Variants in FARSB observed in about 807,000 individuals in gnomAD.
FARSB encodes the protein phenylalanyl-tRNA synthetase subunit beta.
In FARSB, 40 loss-of-function variants were observed where a neutral mutation model predicts 69.6. The ratio of observed to expected loss-of-function variants is 0.57; its 90% CI spans 0.45 to 0.75. The LOEUF is 0.75. Ranked by LOEUF, FARSB falls within the 30% of genes least tolerant of loss-of-function variation. The pLI is 0.00. For missense variants in FARSB, 632 were observed against 722.9 expected (o/e 0.87, Z 1.44); for synonymous variants, 235 against 247.2 (o/e 0.95, Z 0.46).
Position 222,648,665 on chromosome 2 carries a change from T to A in FARSB, c.114+75A>T, listed in dbSNP as rs199934342. The A allele has an allele frequency of 2.2e-5, 20 of 929,190 alleles. No individual in the cohort carries two copies. The South Asian group carries it at 2.5e-4, about 11-fold the overall frequency. 57.6% of individuals were successfully genotyped at this position (929,190 alleles called of 1,614,324 possible). On this transcript the variant is annotated intron_variant, in intron 2 of 16. Transcript: ENST00000281828. Reference sequence around the variant, plus strand: ...TAGTCTAACTATAAGGTAACAAAGATGAAATACAGTATAACCCTGAAAAAT... The same window carrying A: ...TAGTCTAACTATAAGGTAACAAAGAAGAAATACAGTATAACCCTGAAAAAT...
chr2:222,647,722 G>T (rs138632848), intron 2 of FARSB, among the ~76,000 whole-genome samples: 1 of 152,194 alleles, frequency 6.6e-6, no homozygotes, highest in Non-Finnish European at 1.5e-5. Flanking sequence ...CCAAGATCGC[G>T]CTGTCGCACT....
intron 3 of FARSB, among the ~76,000 whole-genome samples, chr2:222,642,078 T>TG (rs1311427827): frequency 5.3e-5 from 8 of 151,784 alleles, no homozygotes; most frequent in Non-Finnish European, 8.8e-5. Flanking sequence ...CTCGACTCAC[T>TG]GCAACCTCCA....
intron 8 of FARSB, 23 bp downstream of exon 8, chr2:222,631,581 A>G: frequency 7.6e-7 from 1 of 1,317,816 alleles, no homozygotes; most frequent in East Asian, 2.3e-5. Flanking sequence ...ATCATACAAA[A>G]ATTGAGTAAA....
At chr2:222,582,359 T>C (rs1173612772) in intron 16 of FARSB, among the ~76,000 whole-genome samples, 1 of 151,482 alleles carries the variant, frequency 6.6e-6, no homozygotes, top group African/African-American at 2.4e-5. Context: ...GCTGAAAGAG[T>C]AGAAGAGAAT....
intron 16 of FARSB, among the ~76,000 whole-genome samples, chr2:222,594,665 G>A (rs1307442489): frequency 6.6e-6 from 1 of 152,090 alleles, no homozygotes; most frequent in Non-Finnish European, 1.5e-5. Context: ...ATTTTAAAAA[G>A]GTTAAGAAAC....
intron 16 of FARSB, among the ~76,000 whole-genome samples, chr2:222,591,555 T>C (rs1351086761): frequency 6.6e-6 from 1 of 152,160 alleles, no homozygotes; most frequent in African/African-American, 2.4e-5. Flanking sequence ...GAAAGTAAGG[T>C]AGAAAGAGAA....
intron 16 of FARSB, among the ~76,000 whole-genome samples, chr2:222,592,831 A>G (rs1385972516): frequency 6.6e-6 from 1 of 151,910 alleles, no homozygotes; most frequent in Non-Finnish European, 1.5e-5. Context: ...GAAAATATTA[A>G]GTGGGAAATT....
chr2:222,624,260 G>T lies in FARSB; in HGVS notation c.1170+12C>A. ...AACAATAAGGAGTGTTTATTTAAGG[G>T]TGCAATCTTACTTGATTAGCTATGG... On this transcript the variant is annotated intron_variant, in intron 12 of 16. Transcript: ENST00000281828. 1 of 1,541,394 alleles carries T rather than the reference G, an allele frequency of 6.5e-7. No individual in the cohort carries two copies. Among genetic ancestry groups the T allele is most frequent in the Non-Finnish European group, 9.0e-7 (1 of 1,115,150 alleles).
chr2:222,597,302 C>T (rs1473424783), intron 16 of FARSB, among the ~76,000 whole-genome samples: 1 of 152,068 alleles, frequency 6.6e-6, no homozygotes, highest in Non-Finnish European at 1.5e-5. Context: ...AATGTAGATT[C>T]AAAAGGAACC....
chr2:222,609,002 T>C (rs1004554455), intron 15 of FARSB, among the ~76,000 whole-genome samples: 2 of 152,252 alleles, frequency 1.3e-5, no homozygotes, highest in East Asian at 3.8e-4. Context: ...AATTGGAGGA[T>C]TGTATCTTAC....
intron 1 of FARSB, 52 bp downstream of exon 1, chr2:222,655,964 G>A: frequency 7.1e-7 from 1 of 1,409,556 alleles, no homozygotes; most frequent in Non-Finnish European, 9.9e-7. Context: ...TTGGAGGGAG[G>A]CCCTGCCTCC....
chr2:222,591,531 A>C (rs2106190214), intron 16 of FARSB, among the ~76,000 whole-genome samples: 1 of 152,328 alleles, frequency 6.6e-6, no homozygotes, highest in South Asian at 2.1e-4. Flanking sequence ...ACAGCACACA[A>C]AAGAAAAGCA....
At chr2:222,653,564 T>C (rs1692091239) in intron 1 of FARSB, among the ~76,000 whole-genome samples, 1 of 152,048 alleles carries the variant, frequency 6.6e-6, no homozygotes, top group South Asian at 2.1e-4. Flanking sequence ...GGTAAACTAA[T>C]GAGGAGAATC....
In FARSB at chr2:222,634,543, T is replaced by C. The variant is rs1691527173; in HGVS notation, c.456-2A>G. 3 of 1,609,866 alleles carry C rather than the reference T, an allele frequency of 1.9e-6. No individual in the cohort carries two copies. Among genetic ancestry groups the C allele is most frequent in the Non-Finnish European group, 2.5e-6 (3 of 1,177,966 alleles). ...CCAATGGCAACCAGTGCTCTTTTCCTAATTGTTGAGAGGTTGAGGGAGAAG... is the reference window on the plus strand; with the variant it reads ...CCAATGGCAACCAGTGCTCTTTTCCCAATTGTTGAGAGGTTGAGGGAGAAG... On this transcript the variant is annotated splice_acceptor_variant, in intron 5 of 16. Transcript: ENST00000281828. LOFTEE classifies it high-confidence loss of function.
At position 222,649,222 on chromosome 2, in the gene FARSB, G is replaced by A. The variant is rs866575995; in HGVS notation, c.59-427C>T. 1.9e-4 allele frequency among the ~76,000 whole-genome samples: 20 copies of A among 103,814 alleles called. No individual in the cohort carries two copies. In the East Asian group the frequency reaches 4.4e-3, roughly 23 times the overall value. The allele number at this position is 103,814 out of a possible 152,430, so 68.1% of individuals were successfully genotyped here. A position where few individuals can be genotyped will look rare whatever the true frequency, so the allele number is the denominator to read the frequency against. The stretch of plus-strand genomic sequence containing the variant: ...GCCTGGCTGACAAGAGCGAGACTCC[G>A]TCTCAAAAAATTAAAAAAAAAAAAA... On this transcript the variant is annotated intron_variant, in intron 1 of 16. Coordinates refer to ENST00000281828, the MANE Select transcript of FARSB (RefSeq NM_005687.5).
intron 11 of FARSB, 89 bp downstream of exon 11, chr2:222,624,625 A>G (rs1691220837): frequency 6.2e-6 from 6 of 961,684 alleles, no homozygotes; most frequent in Non-Finnish European, 9.6e-6. Context: ...ATGTTTTATC[A>G]TTCCTTAACA....
intron 13 of FARSB, among the ~76,000 whole-genome samples, chr2:222,621,831 G>C (rs1691144719): frequency 6.6e-6 from 1 of 152,194 alleles, no homozygotes; most frequent in African/African-American, 2.4e-5. Context: ...CGATGCTTAG[G>C]CTTGCCTATA....
Position 222,639,647 on chromosome 2 carries a change from TTA to T in FARSB, c.386_387del (p.Ile129LysfsTer4). The T allele has an allele frequency of 6.3e-7, 1 of 1,594,142 alleles. No homozygotes were observed. Among genetic ancestry groups the T allele is most frequent in the Non-Finnish European group, 8.6e-7 (1 of 1,168,626 alleles). On this transcript the variant is annotated frameshift_variant, in exon 5 of 17. Transcript: ENST00000281828. LOFTEE classifies it high-confidence loss of function. ...CTGTCATATCGATCTTTAGTAAACT[TTA>T]TATTACGGAGAACTGCTGCTACCGC... is the stretch of plus-strand genomic sequence containing the variant. ...PFAVAAVLRN[I>X]KFTKDRYDSF...
In FARSB at chr2:222,648,747, T is replaced by A. The variant is rs757573329; in HGVS notation, c.107A>T (p.Asp36Val). 1 of 1,591,912 alleles carries A rather than the reference T, an allele frequency of 6.3e-7. No individual in the cohort carries two copies. The highest frequency in any genetic ancestry group is 1.1e-5 in the South Asian group (1 of 90,600). ...CAAATATCCAATACATACAATTTCA[T>A]CAAGCTCCAGACCAAATTCAAAACA... Reference protein sequence around the residue: ...ELCFEFGLELDEITSEKEIIS... With the variant: ...ELCFEFGLELVEITSEKEIIS... Residue 36 changes from aspartate to valine, a missense_variant, in exon 2 of 17, where the codon GAT becomes GTT. Physicochemically the swap from Asp to Val is radical, Grantham distance 152. Coordinates refer to ENST00000281828, the MANE Select transcript of FARSB (RefSeq NM_005687.5).
Sources: gnomAD v4.1 joint callset for allele counts (sites outside exome capture counted in the v4.1 genomes callset) on GRCh38, gnomAD v4.1.1 for gene constraint, MANE v1.5 for transcripts, NCBI Gene and HGNC (gene_info 2026-07-23, HGNC 2026-07-21) for gene names.